Variants in SLC35D2 observed in about 807,000 individuals in gnomAD.
The protein encoded by SLC35D2 is solute carrier family 35 member D2, also known as nucleotide sugar transporter SLC35D2.
A neutral mutation model predicts 41.8 loss-of-function variants in SLC35D2; 43 were observed. That is an observed-to-expected ratio of 1.03 (90% CI 0.81 to 1.33). The LOEUF is 1.33. Ranked by LOEUF, SLC35D2 falls within the 40% of genes most tolerant of loss-of-function variation. The pLI is 0.00. For synonymous variants in SLC35D2, 150 were observed against 163.9 expected, an observed-to-expected ratio of 0.92 and a Z score of 0.65; for missense variants, 380 against 408.4, an observed-to-expected ratio of 0.93 and a Z score of 0.60.
chr9:96,324,703 C>T (rs1391599406), intron 9 of SLC35D2, among the ~76,000 whole-genome samples: 2 of 152,062 alleles, frequency 1.3e-5, no homozygotes, highest in African/African-American at 2.4e-5. Flanking sequence ...CAGGCTCATG[C>T]CGCCATACCC....
intron 4 of SLC35D2, among the ~76,000 whole-genome samples, chr9:96,358,749 G>A (rs1424609226): frequency 6.6e-6 from 1 of 152,166 alleles, no homozygotes; most frequent in Non-Finnish European, 1.5e-5. Context: ...AGTACTTTGG[G>A]AGGCCAAGAC....
At chr9:96,365,705 C>T (rs1326269643) in intron 2 of SLC35D2, among the ~76,000 whole-genome samples, 1 of 152,132 alleles carries the variant, frequency 6.6e-6, no homozygotes, top group Non-Finnish European at 1.5e-5. Context: ...TTCAATCTAG[C>T]TGGTATAGCA....
chr9:96,371,474 C>CAAAAAAAAAAAAA lies in SLC35D2; in HGVS notation c.159-3182_159-3170dup, dbSNP rs539576375. 5.0e-3 allele frequency among the ~76,000 whole-genome samples: 233 copies of CAAAAAAAAAAAAA among 46,634 alleles called. 18 individuals carry two copies. Among genetic ancestry groups the CAAAAAAAAAAAAA allele is most frequent in the Non-Finnish European group, 6.8e-3 (179 of 26,340 alleles). The allele number at this position is 46,634 out of a possible 152,430, so 30.6% of individuals were successfully genotyped here. On this transcript the variant is annotated intron_variant, in intron 1 of 11. Coordinates refer to ENST00000253270, the MANE Select transcript of SLC35D2 (RefSeq NM_007001.3). ...TGGGTGACAGAGCGAGACTCTGTCT[C>CAAAAAAAAAAAAA]AAAAAAAAAAAAAAAAAAAAAAAAA...
intron 3 of SLC35D2, among the ~76,000 whole-genome samples, chr9:96,360,579 AAACT>A (rs1830223640): frequency 6.8e-6 from 1 of 147,030 alleles, no homozygotes; most frequent in Non-Finnish European, 1.5e-5. Context: ...CAGTGAGCCA[AAACT>A]GCACCACTGC....
intron 8 of SLC35D2, among the ~76,000 whole-genome samples, chr9:96,340,632 A>C (rs1829277310): frequency 1.3e-5 from 2 of 149,402 alleles, no homozygotes; most frequent in African/African-American, 2.4e-5. Context: ...AAAAAAAAAA[A>C]AAAAAAAAAA....
At chr9:96,316,837 ATATATAAAG>A (rs1259922662), downstream of SLC35D2, among the ~76,000 whole-genome samples, 88 of 33,522 alleles carry the variant, frequency 2.6e-3, 1 homozygote, top group African/African-American at 0.012. Context: ...TACTTTATAT[ATATATAAAG>A]TATTAAAACA....
At chr9:96,357,942 G>C (rs1293970228) in intron 4 of SLC35D2, among the ~76,000 whole-genome samples, 1 of 151,820 alleles carries the variant, frequency 6.6e-6, no homozygotes, top group Non-Finnish European at 1.5e-5. Flanking sequence ...AGGAGACCGA[G>C]ACAGGAGAAT....
intron 1 of SLC35D2, among the ~76,000 whole-genome samples, chr9:96,371,505 A>AAAAAAAAAAAAAAAAAAC (rs1830681492): frequency 7.0e-6 from 1 of 142,914 alleles, no homozygotes; most frequent in Non-Finnish European, 1.5e-5. Context: ...AAAAAAAAAA[A>AAAAAAAAAAAAAAAAAAC]ATTTAAACAC....
intron 1 of SLC35D2, among the ~76,000 whole-genome samples, chr9:96,376,071 G>A (rs775723485): frequency 6.6e-6 from 1 of 151,818 alleles, no homozygotes; most frequent in East Asian, 1.9e-4. Flanking sequence ...TGAGGCAGGC[G>A]AATCACGAGG....
intron 2 of SLC35D2, 113 bp from the exon 3 acceptor site, chr9:96,364,663 T>G (rs1188372995): frequency 1.4e-6 from 1 of 727,390 alleles, no homozygotes; most frequent in Non-Finnish European, 2.4e-6. Flanking sequence ...AGCAAAAAAT[T>G]CATTTTCTAG....
At chr9:96,330,242 A>G (rs1014583316) in intron 9 of SLC35D2, among the ~76,000 whole-genome samples, 1 of 152,236 alleles carries the variant, frequency 6.6e-6, no homozygotes, top group African/African-American at 2.4e-5. Flanking sequence ...CCTGCCAACC[A>G]TGAGGGCAAA....
downstream of SLC35D2, among the ~76,000 whole-genome samples, chr9:96,320,230 T>C (rs1040971973): frequency 7.2e-5 from 11 of 152,274 alleles, no homozygotes; most frequent in Admixed American, 5.9e-4. Context: ...GCTAACAGGA[T>C]TGGCCGGGTT....
Position 96,322,047 on chromosome 9 carries a change from C to T in SLC35D2, c.865G>A (p.Gly289Ser), listed in dbSNP as rs773331083. ...AACAAAGAGAAAATGTAGTCTCCAC[C>T]GATTAATATCCCAATGTAGGCAACG... is the stretch of plus-strand genomic sequence containing the variant. Reference protein sequence around the residue: ...VSVAYIGILIGGDYIFSLLNF... With the variant: ...VSVAYIGILISGDYIFSLLNF... Residue 289 changes from glycine to serine, a missense_variant, in exon 11 of 12, where the codon GGT (glycine) becomes AGT (serine). By Grantham distance (56) the Gly-to-Ser change is moderately conservative. Transcript: ENST00000253270. 17 of 1,606,960 alleles carry T rather than the reference C, an allele frequency of 1.1e-5. No individual in the cohort carries two copies. Among genetic ancestry groups the T allele is most frequent in the Admixed American group, 8.4e-5 (5 of 59,742 alleles).
At chr9:96,359,040 C>T (rs564460144) in intron 4 of SLC35D2, among the ~76,000 whole-genome samples, 7 of 152,210 alleles carry the variant, frequency 4.6e-5, no homozygotes, top group African/African-American at 1.7e-4. Context: ...TGCGGTGGCT[C>T]ATGCCTGTAA....
intron 5 of SLC35D2, among the ~76,000 whole-genome samples, chr9:96,351,396 G>C (rs573038968): frequency 1.3e-5 from 2 of 151,590 alleles, no homozygotes; most frequent in East Asian, 3.9e-4. Flanking sequence ...TGATTTCTCT[G>C]TTCTCACTAG....
intron 1 of SLC35D2, among the ~76,000 whole-genome samples, chr9:96,372,573 AC>A (rs1830749734): frequency 1.8e-5 from 2 of 113,406 alleles, no homozygotes; most frequent in African/African-American, 3.6e-5. Flanking sequence ...TTAAATAATT[AC>A]TTTTTTTTTT....
Position 96,322,092 on chromosome 9 carries a change from G to C in SLC35D2, c.832-12C>G, listed in dbSNP as rs1204500501. On this transcript the variant is annotated splice_polypyrimidine_tract_variant and intron_variant, in intron 10 of 11. Transcript: ENST00000253270. ...GCAACGGATACATTCTGCAGAAAAA[G>C]AGAGAGGATTCGTCATTTTAAAAGT... 1.3e-6 allele frequency: 2 copies of C among 1,524,276 alleles called. No individual in the cohort carries two copies. Among genetic ancestry groups the C allele is most frequent in the Non-Finnish European group, 1.8e-6 (2 of 1,104,648 alleles). The allele number at this position is 1,524,276 out of a possible 1,614,324, so 94.4% of individuals were successfully genotyped here.
chr9:96,335,588 G>A (rs1829012587), intron 9 of SLC35D2, among the ~76,000 whole-genome samples: 1 of 152,076 alleles, frequency 6.6e-6, no homozygotes, highest in Non-Finnish European at 1.5e-5. Flanking sequence ...TCAAACTCCT[G>A]AACTCAGGTG....
In SLC35D2 at chr9:96,336,770, G is replaced by C; in HGVS notation, c.699C>G (p.Asn233Lys). ...TGDLQQATEFNQWKNVVFILQ... is the reference protein window; with the variant it reads ...TGDLQQATEFKQWKNVVFILQ... ...GGATAAACACAACATTCTTCCATTG[G>C]TTGAATTCAGTAGCCTATTATTAAA... Residue 233 changes from asparagine (N) to lysine (K), a missense_variant, in exon 9 of 12, where the codon AAC (asparagine) becomes AAG (lysine). Physicochemically the swap from Asn to Lys is moderately conservative, Grantham distance 94. Coordinates refer to ENST00000253270, the MANE Select transcript of SLC35D2 (RefSeq NM_007001.3). The C allele has an allele frequency of 6.4e-7, 1 of 1,574,336 alleles. No homozygotes were observed. Among genetic ancestry groups the C allele is most frequent in the South Asian group, 1.1e-5 (1 of 87,680 alleles).
Sources: allele counts gnomAD v4.1 joint callset (sites outside exome capture counted in the v4.1 genomes callset), GRCh38; gene constraint gnomAD v4.1.1; transcripts MANE v1.5; gene names NCBI Gene and HGNC (gene_info 2026-07-23, HGNC 2026-07-21).